MYCBP2: variants seen among roughly 807,000 people sequenced by gnomAD.
MYCBP2 encodes the protein E3 ubiquitin-protein ligase MYCBP2.
A neutral mutation model predicts 525.3 loss-of-function variants in MYCBP2; 120 were observed. The ratio of observed to expected loss-of-function variants is 0.23; its 90% CI spans 0.20 to 0.27. The LOEUF is 0.27. Among genes scored for constraint, MYCBP2 ranks in the 10% least tolerant of loss-of-function variants. The pLI is 1.00. For synonymous variants in MYCBP2, 1,894 were observed against 1,955.8 expected, an observed-to-expected ratio of 0.97 and a Z score of 0.83; for missense variants, 4,149 against 5,657.1, an observed-to-expected ratio of 0.73 and a Z score of 8.55.
rs574118376 is a variant in MYCBP2 at position 77,295,670 on chromosome 13, T to C, written c.378+929A>G. On this transcript the variant is annotated intron_variant, in intron 2 of 82. Coordinates refer to ENST00000544440, the MANE Select transcript of MYCBP2 (RefSeq NM_015057.5). Reference sequence around the variant, plus strand: ...AAGTGAAGCTATTCAGGAATCATAGTTACGACTCCTCTCTTCCTTCTGTCT... The same window carrying C: ...AAGTGAAGCTATTCAGGAATCATAGCTACGACTCCTCTCTTCCTTCTGTCT... Among the ~76,000 whole-genome samples the C allele has an allele frequency of 2.6e-5, 4 of 152,358 alleles. No individual in the cohort carries two copies. In the East Asian group the frequency reaches 5.8e-4, roughly 22 times the overall value.
rs372626725 is a variant in MYCBP2, at chr13:77,262,296, A to T, written c.1571-167T>A. On this transcript the variant is annotated intron_variant, in intron 10 of 82. Coordinates refer to ENST00000544440, the MANE Select transcript of MYCBP2 (RefSeq NM_015057.5). The stretch of plus-strand genomic sequence containing the variant: ...TAAAAATATTAACCATAGGTATAGT[A>T]CTCCAAGGAAAGATAAAGTTATCAT... Among the ~76,000 whole-genome samples, 4 of 152,034 alleles carry T rather than the reference A, an allele frequency of 2.6e-5. No homozygotes were observed. In the East Asian group the frequency reaches 5.8e-4, roughly 22 times the overall value.
chr13:77,154,981 T>C lies in MYCBP2; in HGVS notation c.6915+1077A>G, dbSNP rs142862648. ...TATGTGTGTATGTATATATAAAGTA[T>C]ATTATATGTACTTAACATATGCTAT... is the stretch of plus-strand genomic sequence containing the variant. On this transcript the variant is annotated intron_variant, in intron 46 of 82. Coordinates refer to ENST00000544440, the MANE Select transcript of MYCBP2 (RefSeq NM_015057.5). Among the ~76,000 whole-genome samples, 389 of 152,154 alleles carry C rather than the reference T, an allele frequency of 2.6e-3. 1 individual carries two copies. The highest frequency in any genetic ancestry group is 1.8e-3 in the Non-Finnish European group (121 of 67,928).
chr13:77,191,860 G>A, intron 27 of MYCBP2, 47 bp from the exon 28 acceptor site: 3 of 1,573,660 alleles, frequency 1.9e-6, no homozygotes, highest in Non-Finnish European at 2.6e-6. Context: ...TTACTTCTCT[G>A]TCACATATAT....
chr13:77,284,442 TTAA>T, intron 3 of MYCBP2, among the ~76,000 whole-genome samples: 1 of 152,282 alleles, frequency 6.6e-6, no homozygotes, highest in African/African-American at 2.4e-5. Context: ...ACCTCAAACC[TTAA>T]GAGACTAATT....
chr13:77,312,281 T>C (rs1400034782), intron 1 of MYCBP2, among the ~76,000 whole-genome samples: 1 of 152,094 alleles, frequency 6.6e-6, no homozygotes, highest in East Asian at 1.9e-4. Context: ...TCTTCAGGAA[T>C]GAAGAAAGAG....
Position 77,326,727 on chromosome 13 carries a change from G to C in MYCBP2, c.49C>G (p.Leu17Val). Residue 17 changes from leucine (L) to valine (V), a missense_variant, in exon 1 of 83, where the codon CTC (leucine) becomes GTC (valine). Physicochemically the swap from Leu to Val is conservative, Grantham distance 32 (BLOSUM62 1). Coordinates refer to ENST00000544440, the MANE Select transcript of MYCBP2 (RefSeq NM_015057.5). This position sits in a 1 kb window ranked among gnomAD's most constrained non-coding sequence, Gnocchi z 4.2. ...TASPAAASSG[L>V]GGDGFYPAAT... ...GCTGGGTAGAATCCGTCCCCGCCGA[G>C]CCCCGAGGAGGCGGCGGCGGGGGAG... 2 of 1,410,320 alleles carry C rather than the reference G, an allele frequency of 1.4e-6. No individual in the cohort carries two copies. Among genetic ancestry groups the C allele is most frequent in the Non-Finnish European group, 1.8e-6 (2 of 1,095,504 alleles). The allele number at this position is 1,410,320 out of a possible 1,614,324, so 87.4% of individuals were successfully genotyped here. A position where few individuals can be genotyped will look rare whatever the true frequency, so the allele number is the denominator to read the frequency against.
intron 33 of MYCBP2, among the ~76,000 whole-genome samples, chr13:77,180,832 A>T (rs2060150318): frequency 6.6e-6 from 1 of 152,210 alleles, no homozygotes; most frequent in Non-Finnish European, 1.5e-5. Context: ...AGGTGGGAAG[A>T]TCGTTTGAGT....
chr13:77,045,043 AGCATCGTTCTTAGTCCATGG>A lies in MYCBP2; in HGVS notation c.*315_*334del. 2.5e-6 allele frequency: 1 copy of A among 403,492 alleles called. No homozygotes were observed. The highest frequency in any genetic ancestry group is 2.0e-5 in the African/African-American group (1 of 48,848). The allele number at this position is 403,492 out of a possible 1,614,324, so 25.0% of individuals were successfully genotyped here. ...TATTTTTCTTTTTTGCTTGAAAGCC[AGCATCGTTCTTAGTCCATGG>A]GCATGGCGATTCTTTTATATCAATT... On this transcript the variant is annotated 3_prime_UTR_variant, in exon 83 of 83. Coordinates refer to ENST00000544440, the MANE Select transcript of MYCBP2 (RefSeq NM_015057.5).
chr13:77,163,283 G>T (rs1287001946), intron 43 of MYCBP2, among the ~76,000 whole-genome samples: 1 of 152,080 alleles, frequency 6.6e-6, no homozygotes, highest in Non-Finnish European at 1.5e-5. Context: ...ACAAAAATAG[G>T]TTGCTAGCAA....
At position 77,243,971 on chromosome 13, in the gene MYCBP2, A is replaced by AC. The variant is rs2069390760; in HGVS notation, c.2382-21_2382-20insG. On this transcript the variant is annotated intron_variant, in intron 15 of 82. Transcript: ENST00000544440. ...CAGATCCTAGGGGGAAATACAAAAA[A>AC]AAAAAAAAAAGACAACTGAGATATT... The AC allele has an allele frequency of 6.6e-7, 1 of 1,505,670 alleles. No individual in the cohort carries two copies. Among genetic ancestry groups the AC allele is most frequent in the Admixed American group, 2.4e-5 (1 of 42,306 alleles). The allele number at this position is 1,505,670 out of a possible 1,614,324, so 93.3% of individuals were successfully genotyped here.
At chr13:77,264,417 G>A (rs1421874062) in intron 8 of MYCBP2, among the ~76,000 whole-genome samples, 1 of 152,024 alleles carries the variant, frequency 6.6e-6, no homozygotes, top group Non-Finnish European at 1.5e-5. Flanking sequence ...TAAAGCTTCT[G>A]TATTTGACAT....
At chr13:77,053,696 G>C (rs2037294567) in intron 80 of MYCBP2, among the ~76,000 whole-genome samples, 1 of 152,178 alleles carries the variant, frequency 6.6e-6, no homozygotes, top group South Asian at 2.1e-4. Flanking sequence ...AACAATACAA[G>C]CTTCATAAAT....
chr13:77,081,456 C>T lies in MYCBP2; in HGVS notation c.11389G>A (p.Val3797Ile), dbSNP rs1439338644. The T allele has an allele frequency of 1.2e-6, 2 of 1,612,346 alleles. No homozygotes were observed. The highest frequency in any genetic ancestry group is 8.5e-7 in the Non-Finnish European group (1 of 1,179,726). ...VKGINARYVS[V>I]HVDNSRDLGN... ...AGATCTCGGGAATTGTCCACGTGAACAGACACATAGCGGGCATTGATTCCT... is the reference window on the plus strand; with the variant it reads ...AGATCTCGGGAATTGTCCACGTGAATAGACACATAGCGGGCATTGATTCCT... The change falls in exon 65 of 83, where the codon GTT becomes ATT. Residue 3797 changes from valine to isoleucine, a missense_variant. This residue lies in a region of MYCBP2 where 509 missense variants were observed against 789.4 expected (regional missense o/e 0.64). Transcript: ENST00000544440. This position sits in a 1 kb window ranked among gnomAD's most constrained non-coding sequence, Gnocchi z 4.6.
At chr13:77,323,669 T>C (rs2081962758) in intron 1 of MYCBP2, among the ~76,000 whole-genome samples, 1 of 152,236 alleles carries the variant, frequency 6.6e-6, no homozygotes, top group Non-Finnish European at 1.5e-5. Flanking sequence ...ACTTTGTCTA[T>C]CTTGCTCACC....
chr13:77,139,766 T>C (rs2054310078), intron 51 of MYCBP2, among the ~76,000 whole-genome samples: 1 of 152,208 alleles, frequency 6.6e-6, no homozygotes, highest in South Asian at 2.1e-4. Context: ...TAAAATGTCA[T>C]GAAGAACTAT....
chr13:77,175,578 T>C (rs940717790), intron 36 of MYCBP2, among the ~76,000 whole-genome samples: 3 of 152,258 alleles, frequency 2.0e-5, no homozygotes, highest in African/African-American at 7.2e-5. Context: ...TAATGAAATT[T>C]ATTTCAGTTG....
chr13:77,130,782 C>CT (rs1000723516), intron 52 of MYCBP2, among the ~76,000 whole-genome samples: 1 of 151,784 alleles, frequency 6.6e-6, no homozygotes, highest in African/African-American at 2.4e-5. Context: ...AACAATATCA[C>CT]TTTTTTTTAG....
intron 55 of MYCBP2, among the ~76,000 whole-genome samples, chr13:77,116,192 C>G (rs2049724786): frequency 6.6e-6 from 1 of 151,914 alleles, no homozygotes. Context: ...TGGCGACTAT[C>G]AGTATAAACA....
chr13:77,105,747 T>C (rs1029682498), intron 55 of MYCBP2, among the ~76,000 whole-genome samples: 3 of 152,118 alleles, frequency 2.0e-5, no homozygotes, highest in Non-Finnish European at 4.4e-5. Flanking sequence ...CTTTTTTGGG[T>C]ATCACTAAGT....
Sources: gnomAD v4.1 joint callset for allele counts (sites outside exome capture counted in the v4.1 genomes callset) on GRCh38, gnomAD v4.1.1 for gene constraint, gnomAD v4.1.1 regional missense constraint, Gnocchi (gnomAD v3.1) non-coding constraint, MANE v1.5 for transcripts, NCBI Gene and HGNC (gene_info 2026-07-23, HGNC 2026-07-21) for gene names.